MPP4: variants seen among roughly 807,000 people sequenced by gnomAD.
MPP4 encodes the protein MAGUK p55 scaffold protein 4, also known as MAGUK p55 subfamily member 4.
A neutral mutation model predicts 98.3 loss-of-function variants in MPP4; 91 were observed. That is an observed-to-expected ratio of 0.93 (90% CI 0.78 to 1.10). The LOEUF (loss-of-function observed/expected upper bound fraction) is 1.10. Ranked by LOEUF, MPP4 falls within the 50% of genes least tolerant of loss-of-function variation. The pLI is 0.00. For missense variants in MPP4, 744 were observed against 792.9 expected (o/e 0.94, Z 0.74); for synonymous variants, 261 against 271.8 (o/e 0.96, Z 0.39).
intron 10 of MPP4, among the ~76,000 whole-genome samples, chr2:201,676,570 A>G (rs1248303291): frequency 6.6e-6 from 1 of 152,222 alleles, no homozygotes; most frequent in Admixed American, 6.5e-5. Flanking sequence ...AATTATTTGA[A>G]GAGATAACAT....
chr2:201,692,919 C>A lies in MPP4; in HGVS notation c.190G>T (p.Ala64Ser), dbSNP rs1335513860. 6.2e-7 allele frequency: 1 copy of A among 1,608,438 alleles called. No individual in the cohort carries two copies. ...AAAGAAGCACTCACCTTTAGCAGAG[C>A]CTGAAGCCACGGCGAGTGGAGGAGA... The part of the protein sequence containing the change: ...YDLLHSPWLQ[A>S]LLKIYDCLQE... The change falls in exon 3 of 22, where the codon GCT becomes TCT. Residue 64 changes from alanine (A) to serine (S), a missense_variant. Physicochemically the swap from Ala to Ser is moderately conservative, Grantham distance 99. Transcript: ENST00000409474.
At chr2:201,685,843 T>C (rs1688813316) in intron 6 of MPP4, 76 bp downstream of exon 6, 2 of 1,549,338 alleles carry the variant, frequency 1.3e-6, no homozygotes, top group East Asian at 2.3e-5. Context: ...ACTGCCCAAG[T>C]AACCACTAGA....
chr2:201,652,044 C>G, intron 18 of MPP4: 1 of 975,718 alleles, frequency 1.0e-6, no homozygotes, highest in African/African-American at 1.8e-5. Flanking sequence ...AATGCACATT[C>G]CTGTACATGA....
intron 8 of MPP4, 99 bp from the exon 9 acceptor site, chr2:201,681,666 G>C: frequency 2.3e-6 from 2 of 867,360 alleles, no homozygotes; most frequent in Non-Finnish European, 3.8e-6. Flanking sequence ...CAGGTCTCAT[G>C]GTAAAATCCC....
At chr2:201,650,871 T>G in intron 18 of MPP4, 1 of 985,410 alleles carries the variant, frequency 1.0e-6, no homozygotes, top group Non-Finnish European at 1.2e-6. Context: ...ATATGGCCAC[T>G]TTGATTACAG....
At position 201,644,973 on chromosome 2, in the gene MPP4, A is replaced by C; in HGVS notation, c.*237T>G. The C allele has an allele frequency of 2.9e-6, 1 of 339,402 alleles. No individual in the cohort carries two copies. The highest frequency in any genetic ancestry group is 5.2e-6 in the Non-Finnish European group (1 of 191,644). The allele number at this position is 339,402 out of a possible 1,614,324, so 21.0% of individuals were successfully genotyped here. ...AAAGGTTCTCATACTCAGTGACTTA[A>C]CATTATTCATATTTCTACCACAGCT... On this transcript the variant is annotated 3_prime_UTR_variant, in exon 22 of 22. Transcript: ENST00000409474.
intron 4 of MPP4, among the ~76,000 whole-genome samples, chr2:201,687,747 G>C (rs1319169841): frequency 2.0e-5 from 3 of 152,170 alleles, no homozygotes; most frequent in Non-Finnish European, 4.4e-5. Context: ...TTATGAAGCT[G>C]TATGAGTTTC....
chr2:201,683,443 A>C (rs951069989), intron 7 of MPP4, among the ~76,000 whole-genome samples: 14 of 152,232 alleles, frequency 9.2e-5, no homozygotes, highest in African/African-American at 2.9e-4. Context: ...GATGTGGTCA[A>C]GAAGTGAAAA....
chr2:201,681,452 G>T, intron 9 of MPP4, 44 bp downstream of exon 9: 1 of 1,446,992 alleles, frequency 6.9e-7, no homozygotes, highest in Non-Finnish European at 9.7e-7. Flanking sequence ...GCTGTTACTT[G>T]GGGATTTACT....
rs891812176 is a variant in MPP4 at position 201,670,939 on chromosome 2, C to A, written c.995-1189G>T. Among the ~76,000 whole-genome samples, 18 of 152,282 alleles carry A rather than the reference C, an allele frequency of 1.2e-4. 1 individual carries two copies. Among genetic ancestry groups the A allele is most frequent in the Middle Eastern group, 6.8e-3 (2 of 294 alleles). On this transcript the variant is annotated intron_variant, in intron 11 of 21. Transcript: ENST00000409474. Reference sequence around the variant, plus strand: ...CAAAGCAGGGTGGGGTGTTGCCTCACCTGGGAAGTGAAAGGGGTCGGGGAA... The same window carrying A: ...CAAAGCAGGGTGGGGTGTTGCCTCAACTGGGAAGTGAAAGGGGTCGGGGAA...
chr2:201,680,821 G>A lies in MPP4; in HGVS notation c.929+17C>T, dbSNP rs777003490. On this transcript the variant is annotated intron_variant, in intron 10 of 21. Coordinates refer to ENST00000409474, the MANE Select transcript of MPP4 (RefSeq NM_033066.3). ...TGATGGTTCAGCCCTGAGTCCAGGAGTGGTGACGTTCCTTACCTCTTCAGA... is the reference window on the plus strand; with the variant it reads ...TGATGGTTCAGCCCTGAGTCCAGGAATGGTGACGTTCCTTACCTCTTCAGA... 6.3e-7 allele frequency: 1 copy of A among 1,599,804 alleles called. No individual in the cohort carries two copies. The highest frequency in any genetic ancestry group is 1.7e-5 in the Admixed American group (1 of 59,132).
At chr2:201,651,257 G>A (rs2105911983) in intron 18 of MPP4, 1 of 985,362 alleles carries the variant, frequency 1.0e-6, no homozygotes, top group Non-Finnish European at 1.2e-6. Context: ...AACCTTCAAG[G>A]GGGTCTAAAA....
chr2:201,675,285 A>G lies in MPP4; in HGVS notation c.930-14T>C, dbSNP rs759707736. ...TCCCGTTGCTTCCTATGGGGGGGAA[A>G]AAACCATGCGACAAAAAACAAACAA... On this transcript the variant is annotated splice_polypyrimidine_tract_variant and intron_variant, in intron 10 of 21. Coordinates refer to ENST00000409474, the MANE Select transcript of MPP4 (RefSeq NM_033066.3). 17 of 1,603,430 alleles carry G rather than the reference A, an allele frequency of 1.1e-5. No individual in the cohort carries two copies. The highest frequency in any genetic ancestry group is 4.5e-5 in the East Asian group (2 of 44,636).
At chr2:201,649,747 A>G (rs889873082) in intron 19 of MPP4, 63 bp from the exon 20 acceptor site, 13 of 1,125,210 alleles carry the variant, frequency 1.2e-5, no homozygotes, top group Non-Finnish European at 1.6e-5. Flanking sequence ...TAGTAGTAAC[A>G]TGAGGATAAA....
At chr2:201,653,491 C>A (rs1687775450) in intron 18 of MPP4, among the ~76,000 whole-genome samples, 1 of 152,192 alleles carries the variant, frequency 6.6e-6, no homozygotes, top group African/African-American at 2.4e-5. Flanking sequence ...GCCTTTTATA[C>A]CCTCGAGGTG....
intron 18 of MPP4, among the ~76,000 whole-genome samples, chr2:201,653,538 C>T (rs1687776674): frequency 6.6e-6 from 1 of 152,210 alleles, no homozygotes; most frequent in Non-Finnish European, 1.5e-5. Flanking sequence ...TTCCTCGTTA[C>T]AGATGTGCAT....
At chr2:201,657,963 T>TTTTG (rs1687906790) in intron 16 of MPP4, among the ~76,000 whole-genome samples, 1 of 150,860 alleles carries the variant, frequency 6.6e-6, no homozygotes, top group African/African-American at 2.5e-5. Flanking sequence ...TGTTTTTTTT[T>TTTTG]TTTTTGTTTT....
rs1407176413 is a variant in MPP4 at position 201,681,003 on chromosome 2, G to A, written c.764C>T (p.Pro255Leu). Residue 255 changes from proline (P) to leucine (L), a missense_variant, in exon 10 of 22, where the codon CCC (proline) becomes CTC (leucine). By Grantham distance (98) the Pro-to-Leu change is moderately conservative (BLOSUM62 -3). Transcript: ENST00000409474. ...VYVRAMTEYW[P>L]QEDPDIPCMD... is the part of the protein sequence containing the mutation. ...GCAGGGGATGTCGGGATCCTCCTGG[G>A]GCCAGTACTCAGTCATGGCACGGAC... 4 of 1,613,650 alleles carry A rather than the reference G, an allele frequency of 2.5e-6. No homozygotes were observed. Among genetic ancestry groups the A allele is most frequent in the African/African-American group, 1.3e-5 (1 of 74,856 alleles).
intron 5 of MPP4, 26 bp from the exon 6 acceptor site, chr2:201,686,076 G>T: frequency 1.2e-6 from 2 of 1,607,012 alleles, no homozygotes; most frequent in Non-Finnish European, 1.7e-6. Flanking sequence ...GAAAAGGTGA[G>T]CAAATGTCAC....
Sources: gnomAD v4.1 joint callset for allele counts (sites outside exome capture counted in the v4.1 genomes callset) on GRCh38, gnomAD v4.1.1 for gene constraint, MANE v1.5 for transcripts, NCBI Gene and HGNC (gene_info 2026-07-23, HGNC 2026-07-21) for gene names.